GAB4: variants seen among roughly 807,000 people sequenced by gnomAD.
The protein encoded by GAB4 is GRB2-associated-binding protein 4.
Under a neutral mutation model 51.3 loss-of-function variants are expected in GAB4, and 26 were observed. The ratio of observed to expected loss-of-function variants is 0.51; its 90% CI spans 0.37 to 0.70. The LOEUF is 0.70. GAB4 is among the 30% of genes least tolerant of loss of function. The pLI is 0.00. For synonymous variants in GAB4, 329 were observed against 291.2 expected, an observed-to-expected ratio of 1.13 and a Z score of -1.32; for missense variants, 759 against 734.6, an observed-to-expected ratio of 1.03 and a Z score of -0.38.
chr22:16,967,478 G>A (rs1363534624), intron 5 of GAB4: 2 of 152,338 alleles, frequency 1.3e-5, no homozygotes, highest in Non-Finnish European at 1.5e-5. Flanking sequence ...CAGATGTCTT[G>A]GCCCTGGAAG....
At chr22:16,963,547 G>C (rs1440195992) in intron 9 of GAB4, among the ~76,000 whole-genome samples, 178 bp downstream of exon 9, 2 of 152,136 alleles carry the variant, frequency 1.3e-5, no homozygotes, top group African/African-American at 2.4e-5. Context: ...ACCACGCTGA[G>C]AGGGAAGGAA....
chr22:16,979,654 G>GA (rs2060810906), intron 3 of GAB4, among the ~76,000 whole-genome samples: 1 of 152,152 alleles, frequency 6.6e-6, no homozygotes, highest in East Asian at 1.9e-4. Context: ...CACAGAATTA[G>GA]AAAAATCTAC....
chr22:16,979,797 C>T (rs1174094106), intron 3 of GAB4, among the ~76,000 whole-genome samples: 1 of 152,098 alleles, frequency 6.6e-6, no homozygotes, highest in Non-Finnish European at 1.5e-5. Context: ...AAACATGGGA[C>T]TGGTACCAAA....
chr22:16,971,873 G>A (rs1006225828), intron 3 of GAB4, among the ~76,000 whole-genome samples: 5 of 152,184 alleles, frequency 3.3e-5, no homozygotes, highest in African/African-American at 1.2e-4. Context: ...GAGCTTCACA[G>A]CCTTCCTTCC....
At chr22:16,969,145 G>T (rs1465626548) in intron 4 of GAB4, among the ~76,000 whole-genome samples, 1 of 152,186 alleles carries the variant, frequency 6.6e-6, no homozygotes, top group Non-Finnish European at 1.5e-5. Context: ...AAGAATCTAG[G>T]TATTTCAAAT....
In GAB4 at chr22:16,962,864, A is replaced by G. The variant is rs774492344; in HGVS notation, c.1594T>C (p.Ser532Pro). Residue 532 changes from serine (S) to proline (P), a missense_variant, in exon 10 of 10, where the codon TCT becomes CCT. Physicochemically the swap from Ser to Pro is moderately conservative, Grantham distance 74 (BLOSUM62 -1). Transcript: ENST00000400588. ...TCCACCTTCTTGCCGGACGTGACAG[A>G]GCCTATGGATGGCTGAGGGACAGAG... ...DFQPSKPSIG[S>P]VTSGKKVDYV... is the part of the protein sequence containing the mutation. 3.1e-6 allele frequency: 5 copies of G among 1,612,880 alleles called. No individual in the cohort carries two copies. The highest frequency in any genetic ancestry group is 2.2e-5 in the East Asian group (1 of 44,848).
In GAB4 at chr22:16,968,332, G is replaced by C; in HGVS notation, c.989C>G (p.Ala330Gly). 3 of 1,614,048 alleles carry C rather than the reference G, an allele frequency of 1.9e-6. No homozygotes were observed. The highest frequency in any genetic ancestry group is 2.5e-6 in the Non-Finnish European group (3 of 1,179,946). The change falls in exon 5 of 10, where the codon GCT (alanine) becomes GGT (glycine). Residue 330 changes from alanine (A) to glycine (G), a missense_variant. Physicochemically the swap from Ala to Gly is moderately conservative, Grantham distance 60 (BLOSUM62 0). Transcript: ENST00000400588. ...ACAGACTCCCTCATGCATGGACTCA[G>C]CAGGCCGGCTGGCATTCCCTCCACC... ...QHGGGNASRP[A>G]ESMHEGVCSF...
intron 2 of GAB4, 133 bp downstream of exon 2, chr22:16,991,740 C>G: frequency 2.7e-6 from 2 of 754,522 alleles, no homozygotes; most frequent in East Asian, 4.9e-5. Flanking sequence ...GAAGAAACAC[C>G]AAAAATGCCT....
intron 7 of GAB4, 68 bp downstream of exon 7, chr22:16,965,110 A>G (rs1415525496): frequency 8.4e-7 from 1 of 1,192,252 alleles, no homozygotes; most frequent in Non-Finnish European, 1.2e-6. Flanking sequence ...ACCACAAGCC[A>G]ATGACCATCC....
At chr22:16,976,404 A>C (rs1334056694) in intron 3 of GAB4, among the ~76,000 whole-genome samples, 4 of 152,188 alleles carry the variant, frequency 2.6e-5, no homozygotes, top group Non-Finnish European at 5.9e-5. Flanking sequence ...TCCATCAGGC[A>C]GAAGAAAGGA....
At position 16,962,849 on chromosome 22, in the gene GAB4, TGCCGGACGTGACAGA is replaced by T; in HGVS notation, c.1594_1608del (p.Ser532_Gly536del). On this transcript the variant is annotated inframe_deletion, in exon 10 of 10. Coordinates refer to ENST00000400588, the MANE Select transcript of GAB4 (RefSeq NM_001037814.1). ...TCCACCTGGACATAGTCCACCTTCT[TGCCGGACGTGACAGA>T]GCCTATGGATGGCTGAGGGACAGAG... 1 of 1,613,408 alleles carries T rather than the reference TGCCGGACGTGACAGA, an allele frequency of 6.2e-7. No individual in the cohort carries two copies. The highest frequency in any genetic ancestry group is 8.5e-7 in the Non-Finnish European group (1 of 1,179,692).
At chr22:16,987,808 A>T in intron 3 of GAB4, 152 bp downstream of exon 3, 1 of 604,016 alleles carries the variant, frequency 1.7e-6, no homozygotes, top group Non-Finnish European at 2.8e-6. Flanking sequence ...AAGGCTACAT[A>T]AACAAAAAAT....
chr22:16,969,666 G>A, intron 4 of GAB4: 1 of 648,012 alleles, frequency 1.5e-6, no homozygotes, highest in South Asian at 1.8e-5. Context: ...CCTGGGGATG[G>A]CAGCAGCAAC....
intron 9 of GAB4, among the ~76,000 whole-genome samples, chr22:16,963,437 C>G (rs1429709240): frequency 2.6e-5 from 4 of 152,162 alleles, no homozygotes; most frequent in African/African-American, 9.7e-5. Context: ...GCCAGGTTGC[C>G]GGTCCTGGGT....
At chr22:16,966,470 C>T (rs567776112) in intron 5 of GAB4, 106 bp from the exon 6 acceptor site, 327 of 1,188,742 alleles carry the variant, frequency 2.8e-4, no homozygotes, top group Non-Finnish European at 3.3e-4. Context: ...GTGTTTTGAA[C>T]GAAACTTTTG....
At chr22:16,982,939 C>T (rs2060838733) in intron 3 of GAB4, among the ~76,000 whole-genome samples, 1 of 152,206 alleles carries the variant, frequency 6.6e-6, no homozygotes, top group Admixed American at 6.5e-5. Flanking sequence ...GGGCATAAAA[C>T]CCCTCGTGGC....
At chr22:16,986,190 C>G (rs1363365519) in intron 3 of GAB4, among the ~76,000 whole-genome samples, 1 of 152,148 alleles carries the variant, frequency 6.6e-6, no homozygotes, top group Non-Finnish European at 1.5e-5. Context: ...TAAAGTGTGT[C>G]CTGCAGATGA....
chr22:16,982,809 T>G (rs1328527055), intron 3 of GAB4, among the ~76,000 whole-genome samples: 1 of 152,144 alleles, frequency 6.6e-6, no homozygotes, highest in Non-Finnish European at 1.5e-5. Flanking sequence ...TCTGACATAA[T>G]GTAAAAGAGT....
Position 16,987,962 on chromosome 22 carries a change from T to C in GAB4, c.684A>G (p.Ala228=), listed in dbSNP as rs376657256. ...HQHASQRAEH[A]RSASFSQGSE... Reference sequence around the variant, plus strand: ...CACTGGCCATAGTAGCCCCCTACCTTGCATGTTCTGCTCTCTGGCTGGCGT... The same window carrying C: ...CACTGGCCATAGTAGCCCCCTACCTCGCATGTTCTGCTCTCTGGCTGGCGT... The change falls in exon 3 of 10, where the codon GCA becomes GCG. Residue 228 remains alanine (A), a splice_region_variant and synonymous_variant. Transcript: ENST00000400588. 8.1e-6 allele frequency: 13 copies of C among 1,596,682 alleles called. No individual in the cohort carries two copies. Among genetic ancestry groups the C allele is most frequent in the Admixed American group, 3.5e-5 (2 of 56,558 alleles).
Sources: allele counts gnomAD v4.1 joint callset (sites outside exome capture counted in the v4.1 genomes callset), GRCh38; gene constraint gnomAD v4.1.1; transcripts MANE v1.5; gene names NCBI Gene and HGNC (gene_info 2026-07-23, HGNC 2026-07-21).